The following OXR1 variants were observed in gnomAD, a reference collection of about 807,000 sequenced individuals.
OXR1 encodes oxidation resistance 1, also known as oxidation resistance protein 1.
A neutral mutation model predicts 104.6 loss-of-function variants in OXR1; 41 were observed. That is an observed-to-expected ratio of 0.39 (90% CI 0.31 to 0.51). The LOEUF (loss-of-function observed/expected upper bound fraction) is 0.51, where lower values mean the gene tolerates loss of function less well. Ranked by LOEUF, OXR1 falls within the 20% of genes least tolerant of loss-of-function variation. The probability of loss-of-function intolerance (pLI) is 0.77; values close to 1 mark genes in which losing one functional copy is unlikely to be tolerated. For missense variants in OXR1, 955 were observed against 1,031.9 expected, an observed-to-expected ratio of 0.93 and a Z score of 1.02; for synonymous variants, 348 against 348.4, an observed-to-expected ratio of 1.00 and a Z score of 0.01.
chr8:106,495,096 G>T (rs906980480), intron 2 of OXR1, among the ~76,000 whole-genome samples: 3 of 151,840 alleles, frequency 2.0e-5, no homozygotes, highest in Non-Finnish European at 4.4e-5. Flanking sequence ...ATGAGTAAAT[G>T]AATATAGGTA....
chr8:106,443,778 C>G (rs993405045), intron 2 of OXR1, among the ~76,000 whole-genome samples: 1 of 152,074 alleles, frequency 6.6e-6, no homozygotes, highest in African/African-American at 2.4e-5. Flanking sequence ...AGGACATAGG[C>G]ATGGGCAAAG....
intron 2 of OXR1, among the ~76,000 whole-genome samples, chr8:106,423,269 AT>A (rs1217022241): frequency 1.3e-5 from 2 of 152,176 alleles, no homozygotes; most frequent in African/African-American, 4.8e-5. Context: ...AACTATATAG[AT>A]TATCTCCAAA....
intron 3 of OXR1, among the ~76,000 whole-genome samples, chr8:106,653,766 G>C (rs1429336473): frequency 2.0e-5 from 3 of 151,874 alleles, no homozygotes; most frequent in Admixed American, 6.6e-5. Flanking sequence ...AGAAAAAAAG[G>C]CACCTGAATT....
At chr8:106,370,383 C>G (rs1370591853) in intron 2 of OXR1, among the ~76,000 whole-genome samples, 1 of 152,226 alleles carries the variant, frequency 6.6e-6, no homozygotes, top group Non-Finnish European at 1.5e-5. Flanking sequence ...AGTTGAATAG[C>G]CTTTATTTCT....
chr8:106,500,002 G>A (rs185134231), intron 2 of OXR1, among the ~76,000 whole-genome samples: 159 of 152,324 alleles, frequency 1.0e-3, no homozygotes, highest in African/African-American at 3.6e-3. Context: ...TGTGCCAAAA[G>A]CCAGTGACCC....
chr8:106,715,915 T>C (rs1832200883), intron 11 of OXR1, among the ~76,000 whole-genome samples: 1 of 152,212 alleles, frequency 6.6e-6, no homozygotes, highest in African/African-American at 2.4e-5. Context: ...AAAATAATTT[T>C]GGAAACTCCT....
Position 106,671,896 on chromosome 8 carries a change from C to A in OXR1, c.221-7314C>A, listed in dbSNP as rs191817440. 9.3e-3 allele frequency among the ~76,000 whole-genome samples: 1,393 copies of A among 150,422 alleles called. 28 individuals are homozygous for A. The highest frequency in any genetic ancestry group is 0.032 in the African/African-American group (1,301 of 40,816). On this transcript the variant is annotated intron_variant, in intron 3 of 16. Transcript: ENST00000517566. ...TGACGAGTTAATGAGTGCAGCACACCAACATGGCACATGGATACATATGTA... is the reference window on the plus strand; with the variant it reads ...TGACGAGTTAATGAGTGCAGCACACAAACATGGCACATGGATACATATGTA...
intron 3 of OXR1, among the ~76,000 whole-genome samples, chr8:106,622,042 TC>T (rs2130849373): frequency 6.6e-6 from 1 of 152,316 alleles, no homozygotes; most frequent in African/African-American, 2.4e-5. Context: ...AATATATTAT[TC>T]ATATATTAAA....
At chr8:106,349,267 GT>G (rs1402699181) in intron 1 of OXR1, among the ~76,000 whole-genome samples, 1 of 152,042 alleles carries the variant, frequency 6.6e-6, no homozygotes, top group Non-Finnish European at 1.5e-5. Context: ...TATATTATAT[GT>G]TCCCCATTAA....
At chr8:106,587,411 A>T (rs1818714150) in intron 3 of OXR1, among the ~76,000 whole-genome samples, 1 of 152,198 alleles carries the variant, frequency 6.6e-6, no homozygotes, top group South Asian at 2.1e-4. Context: ...GAACTATGAA[A>T]ATATACTACA....
chr8:106,669,611 A>G (rs1180707272), intron 3 of OXR1, among the ~76,000 whole-genome samples: 3 of 152,198 alleles, frequency 2.0e-5, no homozygotes, highest in Middle Eastern at 3.4e-3. Context: ...TTTAGTATCT[A>G]TATTACTGTT....
intron 7 of OXR1, among the ~76,000 whole-genome samples, chr8:106,694,514 T>A (rs923204767): frequency 7.4e-6 from 1 of 134,882 alleles, no homozygotes; most frequent in Admixed American, 7.9e-5. Flanking sequence ...TTATATATAT[T>A]TGATATATAA....
intron 2 of OXR1, among the ~76,000 whole-genome samples, chr8:106,478,810 T>C (rs950921918): frequency 6.6e-6 from 1 of 151,872 alleles, no homozygotes; most frequent in Non-Finnish European, 1.5e-5. Flanking sequence ...TAAGAAAAGG[T>C]TTTCCTGCAA....
chr8:106,569,705 A>G (rs1395757905), intron 3 of OXR1, among the ~76,000 whole-genome samples: 1 of 152,246 alleles, frequency 6.6e-6, no homozygotes, highest in Non-Finnish European at 1.5e-5. Flanking sequence ...CATTCACATG[A>G]ATTCTCTCAC....
At chr8:106,734,041 A>G (rs1184479596) in intron 11 of OXR1, among the ~76,000 whole-genome samples, 1 of 147,804 alleles carries the variant, frequency 6.8e-6, no homozygotes, top group Non-Finnish European at 1.5e-5. Flanking sequence ...CCCAGGATGG[A>G]GTGCAGTGGC....
intron 2 of OXR1, among the ~76,000 whole-genome samples, chr8:106,468,326 C>T (rs1346011576): frequency 5.3e-5 from 8 of 151,780 alleles, no homozygotes; most frequent in Non-Finnish European, 8.8e-5. Flanking sequence ...CTTTAGTTAC[C>T]ATGTTCCCAG....
At chr8:106,690,574 G>C (rs1202004453) in intron 6 of OXR1, among the ~76,000 whole-genome samples, 1 of 149,474 alleles carries the variant, frequency 6.7e-6, no homozygotes, top group Non-Finnish European at 1.5e-5. Flanking sequence ...TACTAGATGA[G>C]AGTTTTTTTT....
chr8:106,637,268 A>G (rs1181367333), intron 3 of OXR1, among the ~76,000 whole-genome samples: 3 of 152,242 alleles, frequency 2.0e-5, no homozygotes, highest in African/African-American at 7.2e-5. Flanking sequence ...CTACTACTGT[A>G]GGAGCATGAT....
At chr8:106,334,537 A>C (rs1814873172) in intron 1 of OXR1, among the ~76,000 whole-genome samples, 1 of 152,176 alleles carries the variant, frequency 6.6e-6, no homozygotes, top group South Asian at 2.1e-4. Context: ...TTTTACCATT[A>C]AGTATGATGT....
Sources: gnomAD v4.1 joint callset for allele counts (sites outside exome capture counted in the v4.1 genomes callset) on GRCh38, gnomAD v4.1.1 for gene constraint, MANE v1.5 for transcripts, NCBI Gene and HGNC (gene_info 2026-07-23, HGNC 2026-07-21) for gene names.